MAST3: variants seen among roughly 807,000 people sequenced by gnomAD.
MAST3 encodes the protein microtubule associated serine/threonine kinase 3.
MAST3 carries 43 observed loss-of-function variants against 127.0 expected under a neutral mutation model. That is an observed-to-expected ratio of 0.34 (90% CI 0.27 to 0.44). MAST3 has a LOEUF of 0.44. MAST3 is among the 20% of genes least tolerant of loss of function. The probability of loss-of-function intolerance (pLI) is 1.00; values close to 1 mark genes in which losing one functional copy is unlikely to be tolerated. For missense variants in MAST3, 1,390 were observed against 1,919.1 expected, an observed-to-expected ratio of 0.72 and a Z score of 5.15; for synonymous variants, 785 against 809.2, an observed-to-expected ratio of 0.97 and a Z score of 0.51.
intron 19 of MAST3, among the ~76,000 whole-genome samples, chr19:18,138,789 G>A (rs1363607618): frequency 1.3e-5 from 2 of 152,098 alleles, no homozygotes; most frequent in Middle Eastern, 3.4e-3. Context: ...GTGAGCCACC[G>A]CACCCGGCCC....
rs911648811 is a variant in MAST3, at chr19:18,101,341, C to T, written c.39+3510C>T. ...ATGGACAGCTTCCACTTATTTTCCTCCTCCTCCTCCTCCTCCTCCTTCTCC... is the reference window on the plus strand; with the variant it reads ...ATGGACAGCTTCCACTTATTTTCCTTCTCCTCCTCCTCCTCCTCCTTCTCC... On this transcript the variant is annotated intron_variant, in intron 1 of 27. Coordinates refer to ENST00000687212, the MANE Select transcript of MAST3 (RefSeq NM_001393504.1). Among the ~76,000 whole-genome samples the T allele has an allele frequency of 4.9e-5, 7 of 143,018 alleles. No individual in the cohort carries two copies. In the Admixed American group the frequency reaches 5.2e-4, roughly 11 times the overall value. The allele number at this position is 143,018 out of a possible 152,430, so 93.8% of individuals were successfully genotyped here. A position where few individuals can be genotyped will look rare whatever the true frequency, so the allele number is the denominator to read the frequency against.
intron 1 of MAST3, among the ~76,000 whole-genome samples, chr19:18,104,111 C>T (rs990073843): frequency 1.6e-5 from 2 of 129,008 alleles, no homozygotes; most frequent in Admixed American, 9.3e-5. Context: ...ACTCTGGAGG[C>T]GGAGGTTGCA....
intron 11 of MAST3, among the ~76,000 whole-genome samples, chr19:18,127,410 G>A (rs749716326): frequency 6.6e-6 from 1 of 152,016 alleles, no homozygotes; most frequent in African/African-American, 2.4e-5. Context: ...TAGGCTGGGC[G>A]TAGTGGCTTA....
rs2042758108 is a variant in MAST3 at position 18,143,776 on chromosome 19, A to G, written c.2353A>G (p.Thr785Ala). 6.2e-7 allele frequency: 1 copy of G among 1,613,454 alleles called. No individual in the cohort carries two copies. The change falls in exon 22 of 28, where the codon ACA (threonine) becomes GCA (alanine). Residue 785 changes from threonine to alanine, a missense_variant. Thr to Ala is a moderately conservative substitution (Grantham distance 58, BLOSUM62 0). Transcript: ENST00000687212. ...LSADIRLRSW[T>A]SSGSSCQSSS... Reference sequence around the variant, plus strand: ...TCCTCCCTGCAGGCTGAGGTCCTGGACATCCTCTGGATCCTCCTGTCAGTC... The same window carrying G: ...TCCTCCCTGCAGGCTGAGGTCCTGGGCATCCTCTGGATCCTCCTGTCAGTC...
At chr19:18,141,588 G>T (rs1238962285) in intron 20 of MAST3, among the ~76,000 whole-genome samples, 3 of 151,982 alleles carry the variant, frequency 2.0e-5, no homozygotes, top group Admixed American at 6.6e-5. Flanking sequence ...GACCAGGCTG[G>T]TCTTGAACGC....
At chr19:18,140,849 A>C (rs2042392443) in intron 20 of MAST3, among the ~76,000 whole-genome samples, 1 of 152,150 alleles carries the variant, frequency 6.6e-6, no homozygotes, top group South Asian at 2.1e-4. Flanking sequence ...GCTGGAGTGC[A>C]ATAGTGCAAT....
chr19:18,136,897 C>T (rs2041947207), intron 18 of MAST3, among the ~76,000 whole-genome samples: 1 of 152,050 alleles, frequency 6.6e-6, no homozygotes, highest in Non-Finnish European at 1.5e-5. Flanking sequence ...CAGCTCACTG[C>T]TGCAATCTCC....
chr19:18,142,053 CA>C, intron 21 of MAST3, 38 bp downstream of exon 21: 1 of 1,390,770 alleles, frequency 7.2e-7, no homozygotes, highest in Non-Finnish European at 9.5e-7. Flanking sequence ...ATCCAGCTTC[CA>C]AGCCTGCTGG....
At position 18,124,341 on chromosome 19, in the gene MAST3, G is replaced by A. The variant is rs753852597; in HGVS notation, c.920G>A (p.Arg307Gln). Residue 307 changes from arginine to glutamine, a missense_variant, in exon 10 of 28, where the codon CGG becomes CAG. Coordinates refer to ENST00000687212, the MANE Select transcript of MAST3 (RefSeq NM_001393504.1). ...CGGAAACTGCTGATCATCATCTCAC[G>A]GCCAGCTCGGCTGCTGGAGTGTCTG... is the stretch of plus-strand genomic sequence containing the variant. ...LVRKLLIIIS[R>Q]PARLLECLEF... 1.2e-6 allele frequency: 2 copies of A among 1,607,028 alleles called. No individual in the cohort carries two copies. The highest frequency in any genetic ancestry group is 1.7e-6 in the Non-Finnish European group (2 of 1,176,638).
chr19:18,118,363 G>A, intron 3 of MAST3: 2 of 620,816 alleles, frequency 3.2e-6, no homozygotes, highest in Non-Finnish European at 4.0e-6. Flanking sequence ...TCTGTCTGTG[G>A]CAGCAGTGGG....
intron 5 of MAST3, 83 bp downstream of exon 5, chr19:18,122,005 G>C (rs2147176301): frequency 6.4e-7 from 1 of 1,558,654 alleles, no homozygotes; most frequent in South Asian, 1.2e-5. Context: ...GGCTAGACCT[G>C]GCTCCTCATT....
intron 21 of MAST3, 107 bp downstream of exon 21, chr19:18,142,122 G>A (rs1209271793): frequency 2.5e-6 from 3 of 1,210,676 alleles, no homozygotes; most frequent in Admixed American, 3.9e-5. Flanking sequence ...AGTAGAAAAG[G>A]GTCAAACATA....
chr19:18,129,482 G>A (rs1676044929), intron 13 of MAST3: 1 of 154,066 alleles, frequency 6.5e-6, no homozygotes, highest in Admixed American at 6.4e-5. Flanking sequence ...GGTGGTAGCA[G>A]CTTAGGGTCT....
Position 18,123,281 on chromosome 19 carries a change from A to ACTTC in MAST3, c.467_470dup (p.Ser158ProfsTer13). The ACTTC allele has an allele frequency of 6.2e-7, 1 of 1,613,856 alleles. No homozygotes were observed. Among genetic ancestry groups the ACTTC allele is most frequent in the Non-Finnish European group, 8.5e-7 (1 of 1,179,876 alleles). ...TTCCAGCCGACGCCGGACGAGCTGCACTTCCTGTCCAAGCACTTCCGCAGC... is the reference window on the plus strand; with the variant it reads ...TTCCAGCCGACGCCGGACGAGCTGCACTTCCTTCCTGTCCAAGCACTTCCGCAGC... On this transcript the variant is annotated frameshift_variant, in exon 7 of 28. Transcript: ENST00000687212. LOFTEE classifies it high-confidence loss of function.
intron 1 of MAST3, among the ~76,000 whole-genome samples, chr19:18,101,011 G>T (rs1273982509): frequency 6.6e-6 from 1 of 152,218 alleles, no homozygotes; most frequent in African/African-American, 2.4e-5. Context: ...GCCAGTTTGC[G>T]ACAGCCCTGG....
intron 1 of MAST3, among the ~76,000 whole-genome samples, chr19:18,104,909 C>T (rs2037946347): frequency 6.6e-6 from 1 of 152,066 alleles, no homozygotes; most frequent in East Asian, 1.9e-4. Context: ...CATGATTAAC[C>T]CAGAACCCTC....
intron 13 of MAST3, 51 bp downstream of exon 13, chr19:18,129,002 G>A: frequency 6.6e-7 from 1 of 1,511,250 alleles, no homozygotes; most frequent in Non-Finnish European, 9.2e-7. Context: ...CTGAGGGGAT[G>A]GTTGAGGCCC....
intron 1 of MAST3, among the ~76,000 whole-genome samples, chr19:18,101,958 G>A (rs529422488): frequency 1.1e-4 from 14 of 128,162 alleles, no homozygotes; most frequent in Admixed American, 3.0e-4. Flanking sequence ...CGTGATCTCC[G>A]CTCATTCCAC....
rs1458592405 is a variant in MAST3, at chr19:18,128,464, T to C, written c.1137+6T>C. The C allele has an allele frequency of 1.3e-6, 2 of 1,553,212 alleles. No individual in the cohort carries two copies. The highest frequency in any genetic ancestry group is 1.7e-6 in the Non-Finnish European group (2 of 1,147,906). On this transcript the variant is annotated splice_donor_region_variant and intron_variant, in intron 12 of 27. Coordinates refer to ENST00000687212, the MANE Select transcript of MAST3 (RefSeq NM_001393504.1). ...CAGCACCTGAGTCCCCAGAGGTGAGTAGCAGAGGCTGGGGGACCCCCGCTC... is the reference window on the plus strand; with the variant it reads ...CAGCACCTGAGTCCCCAGAGGTGAGCAGCAGAGGCTGGGGGACCCCCGCTC...
Sources: allele counts gnomAD v4.1 joint callset (sites outside exome capture counted in the v4.1 genomes callset), GRCh38; gene constraint gnomAD v4.1.1; transcripts MANE v1.5; gene names NCBI Gene and HGNC (gene_info 2026-07-23, HGNC 2026-07-21).